Variants in RALYL observed in about 807,000 individuals in gnomAD.
RALYL encodes RNA-binding Raly-like protein.
In RALYL, 29 loss-of-function variants were observed where a neutral mutation model predicts 35.1. That is an observed-to-expected ratio of 0.83 (90% CI 0.61 to 1.13). The LOEUF (loss-of-function observed/expected upper bound fraction) is 1.13. Ranked by LOEUF, RALYL falls within the 50% of genes most tolerant of loss-of-function variation. The pLI is 0.00. For synonymous variants in RALYL, 120 were observed against 127.6 expected (o/e 0.94, Z 0.40); for missense variants, 359 against 360.4 (o/e 1.00, Z 0.03).
chr8:84,725,425 T>A (rs1450036601), intron 2 of RALYL, among the ~76,000 whole-genome samples: 2 of 151,732 alleles, frequency 1.3e-5, no homozygotes, highest in Non-Finnish European at 3.0e-5. Context: ...AGGAATGTAT[T>A]AAACAGTAAC....
At chr8:84,366,591 A>G (rs1432949736) in intron 1 of RALYL, among the ~76,000 whole-genome samples, 1 of 151,926 alleles carries the variant, frequency 6.6e-6, no homozygotes, top group Non-Finnish European at 1.5e-5. Context: ...CCTGGCCAAC[A>G]TGGTCAAACC....
chr8:84,788,766 C>T (rs1459525638), intron 3 of RALYL, among the ~76,000 whole-genome samples: 1 of 152,226 alleles, frequency 6.6e-6, no homozygotes, highest in South Asian at 2.1e-4. Flanking sequence ...GACAGAATGC[C>T]GAGTTCAGTA....
intron 2 of RALYL, among the ~76,000 whole-genome samples, chr8:84,585,049 G>C (rs1265671281): frequency 6.6e-6 from 1 of 152,064 alleles, no homozygotes; most frequent in Non-Finnish European, 1.5e-5. Flanking sequence ...ATATATTCAG[G>C]GTCCTCACTT....
At chr8:84,639,261 A>G (rs1026096053) in intron 2 of RALYL, among the ~76,000 whole-genome samples, 1 of 151,916 alleles carries the variant, frequency 6.6e-6, no homozygotes, top group Admixed American at 6.6e-5. Context: ...TATGGCAGTT[A>G]GAACATAGAG....
chr8:84,333,592 G>A lies in RALYL; in HGVS notation c.-24+149168G>A, dbSNP rs139921502. Among the ~76,000 whole-genome samples the A allele has an allele frequency of 2.2e-3, 337 of 152,090 alleles. 1 individual carries two copies. The highest frequency in any genetic ancestry group is 3.7e-3 in the Non-Finnish European group (254 of 67,978). The stretch of plus-strand genomic sequence containing the variant: ...TTTACCTTATCTTCTTTATCTGGCC[G>A]GGTCAACTTCTAATACAGGTGACTT... On this transcript the variant is annotated intron_variant, in intron 1 of 8. Transcript: ENST00000521268.
intron 1 of RALYL, among the ~76,000 whole-genome samples, chr8:84,204,540 T>C (rs886368227): frequency 6.6e-6 from 1 of 152,192 alleles, no homozygotes; most frequent in Non-Finnish European, 1.5e-5. Flanking sequence ...ACAACAATAT[T>C]ACCTAAATCA....
intron 1 of RALYL, among the ~76,000 whole-genome samples, chr8:84,364,733 A>G (rs368562077): frequency 3.3e-5 from 5 of 152,162 alleles, no homozygotes; most frequent in African/African-American, 1.2e-4. Flanking sequence ...TTTTACAAAC[A>G]GTACTGTTTA....
chr8:84,345,263 A>G (rs1288713099), intron 1 of RALYL, among the ~76,000 whole-genome samples: 1 of 151,888 alleles, frequency 6.6e-6, no homozygotes, highest in African/African-American at 2.4e-5. Flanking sequence ...AAAGTCACCA[A>G]CTATAGCCTC....
intron 1 of RALYL, among the ~76,000 whole-genome samples, chr8:84,393,530 A>G (rs903341739): frequency 6.6e-6 from 1 of 152,094 alleles, no homozygotes; most frequent in Non-Finnish European, 1.5e-5. Context: ...AGAAAAGGGA[A>G]TTAACAAGGA....
At chr8:84,332,347 G>T (rs1286644785) in intron 1 of RALYL, among the ~76,000 whole-genome samples, 1 of 152,098 alleles carries the variant, frequency 6.6e-6, no homozygotes, top group Non-Finnish European at 1.5e-5. Context: ...GGACAGGAAA[G>T]AATCCATAGA....
intron 2 of RALYL, among the ~76,000 whole-genome samples, chr8:84,739,422 T>G (rs1847887040): frequency 6.6e-6 from 1 of 151,832 alleles, no homozygotes; most frequent in South Asian, 2.1e-4. Context: ...AATAAATGAC[T>G]AAGTGTCAAG....
In RALYL at chr8:84,207,513, A is replaced by G. The variant is rs1220247378; in HGVS notation, c.-24+23089A>G. Among the ~76,000 whole-genome samples the G allele has an allele frequency of 2.6e-5, 4 of 152,168 alleles. No individual in the cohort carries two copies. In the East Asian group the frequency reaches 7.7e-4, roughly 29 times the overall value. On this transcript the variant is annotated intron_variant, in intron 1 of 8. Transcript: ENST00000521268. The stretch of plus-strand genomic sequence containing the variant: ...ATATTACTTATATGTATAATCTAAA[A>G]AAGTCAAAGCTGGAAGCAGAGAGTA...
chr8:84,590,879 T>C (rs907444175), intron 2 of RALYL, among the ~76,000 whole-genome samples: 1 of 152,190 alleles, frequency 6.6e-6, no homozygotes, highest in Non-Finnish European at 1.5e-5. Flanking sequence ...TTTTTTCACT[T>C]ATGTAACCTT....
At chr8:84,323,308 T>A (rs1390876379) in intron 1 of RALYL, among the ~76,000 whole-genome samples, 1 of 152,102 alleles carries the variant, frequency 6.6e-6, no homozygotes, top group Non-Finnish European at 1.5e-5. Flanking sequence ...GAATGAAGTA[T>A]GCTGTACATA....
chr8:84,795,941 T>C lies in RALYL; in HGVS notation c.333-8829T>C, dbSNP rs557066469. ...CCCCACTTTGCCACCAATTTTTCAA[T>C]GTTGATAGGACACCACAAATGTCTG... On this transcript the variant is annotated intron_variant, in intron 3 of 8. Transcript: ENST00000521268. 2.6e-5 allele frequency among the ~76,000 whole-genome samples: 4 copies of C among 152,328 alleles called. No individual in the cohort carries two copies. The East Asian group carries it at 7.7e-4, about 29-fold the overall frequency.
At chr8:84,831,727 C>T (rs1830969910) in intron 4 of RALYL, among the ~76,000 whole-genome samples, 1 of 151,928 alleles carries the variant, frequency 6.6e-6, no homozygotes, top group African/African-American at 2.4e-5. Context: ...GAGACTATCT[C>T]TTCTACAAAT....
chr8:84,299,695 G>A (rs1840406736), intron 1 of RALYL, among the ~76,000 whole-genome samples: 1 of 151,882 alleles, frequency 6.6e-6, no homozygotes, highest in South Asian at 2.1e-4. Context: ...TTTAAACTTG[G>A]GAGTTTGTAT....
intron 1 of RALYL, among the ~76,000 whole-genome samples, chr8:84,188,047 A>G (rs1812951882): frequency 6.6e-6 from 1 of 152,042 alleles, no homozygotes; most frequent in African/African-American, 2.4e-5. Flanking sequence ...TTCAATTACA[A>G]TTGATTTTTC....
At chr8:84,788,616 A>T (rs1820094030) in intron 3 of RALYL, among the ~76,000 whole-genome samples, 1 of 152,154 alleles carries the variant, frequency 6.6e-6, no homozygotes, top group African/African-American at 2.4e-5. Context: ...CTCCATGGTT[A>T]TTAGAAAAGT....
Sources: allele counts gnomAD v4.1 joint callset (sites outside exome capture counted in the v4.1 genomes callset), GRCh38; gene constraint gnomAD v4.1.1; transcripts MANE v1.5; gene names NCBI Gene and HGNC (gene_info 2026-07-23, HGNC 2026-07-21).